SPAG16: variants seen among roughly 807,000 people sequenced by gnomAD.
SPAG16 encodes the protein sperm-associated antigen 16 protein.
A neutral mutation model predicts 80.4 loss-of-function variants in SPAG16; 86 were observed. The observed-to-expected ratio is 1.07, with a 90% CI of 0.90 to 1.28. The LOEUF is 1.28. Ranked by LOEUF, SPAG16 falls within the 50% of genes most tolerant of loss-of-function variation. The probability of loss-of-function intolerance (pLI) is 0.00; values close to 1 mark genes in which losing one functional copy is unlikely to be tolerated. For synonymous variants in SPAG16, 294 were observed against 265.9 expected, an observed-to-expected ratio of 1.11 and a Z score of -1.03; for missense variants, 870 against 765.3, an observed-to-expected ratio of 1.14 and a Z score of -1.61.
At chr2:213,874,896 A>G (rs1575426576) in intron 11 of SPAG16, among the ~76,000 whole-genome samples, 1 of 152,248 alleles carries the variant, frequency 6.6e-6, no homozygotes, top group South Asian at 2.1e-4. Flanking sequence ...ATGACCATAC[A>G]TCTAGGTTTG....
chr2:213,815,164 C>T (rs2072443206), intron 10 of SPAG16, among the ~76,000 whole-genome samples: 1 of 152,058 alleles, frequency 6.6e-6, no homozygotes, highest in Non-Finnish European at 1.5e-5. Flanking sequence ...ATTGAAACAA[C>T]TGAAACATGC....
chr2:213,807,843 G>A (rs2071867354), intron 10 of SPAG16, among the ~76,000 whole-genome samples: 1 of 152,218 alleles, frequency 6.6e-6, no homozygotes, highest in South Asian at 2.1e-4. Flanking sequence ...GTTCTTTGCA[G>A]TGAAGATTCT....
At chr2:214,272,039 A>G (rs1025114907) in intron 15 of SPAG16, among the ~76,000 whole-genome samples, 1 of 152,146 alleles carries the variant, frequency 6.6e-6, no homozygotes, top group African/African-American at 2.4e-5. Context: ...CTTAATATAC[A>G]GTACTATAAT....
At chr2:213,374,327 G>C (rs1349928962) in intron 8 of SPAG16, among the ~76,000 whole-genome samples, 1 of 152,050 alleles carries the variant, frequency 6.6e-6, no homozygotes, top group African/African-American at 2.4e-5. Flanking sequence ...GTTATAATTT[G>C]TAACGTTTAG....
chr2:214,329,833 A>G (rs895573580), intron 15 of SPAG16, among the ~76,000 whole-genome samples: 1 of 152,204 alleles, frequency 6.6e-6, no homozygotes, highest in Non-Finnish European at 1.5e-5. Context: ...AGACTATAAA[A>G]AAATGCTTTT....
At chr2:214,073,600 A>G (rs1361921066) in intron 13 of SPAG16, among the ~76,000 whole-genome samples, 3 of 152,116 alleles carry the variant, frequency 2.0e-5, no homozygotes. Flanking sequence ...AGAACTCAAT[A>G]GCATAAAGAT....
intron 15 of SPAG16, among the ~76,000 whole-genome samples, chr2:214,386,202 C>G (rs963558278): frequency 8.6e-5 from 13 of 152,000 alleles, no homozygotes; most frequent in Admixed American, 5.2e-4. Flanking sequence ...GGGTGAAACC[C>G]CATATCTACA....
At chr2:213,402,984 A>C (rs2068405878) in intron 9 of SPAG16, among the ~76,000 whole-genome samples, 1 of 151,940 alleles carries the variant, frequency 6.6e-6, no homozygotes, top group African/African-American at 2.4e-5. Context: ...CTAGTTCTAG[A>C]TCCCTGAGGA....
chr2:214,112,750 A>T (rs898245549), intron 14 of SPAG16, among the ~76,000 whole-genome samples: 1 of 151,138 alleles, frequency 6.6e-6, no homozygotes, highest in Non-Finnish European at 1.5e-5. Flanking sequence ...AATACAGCAC[A>T]CTGATGGCTC....
Position 213,400,470 on chromosome 2 carries a change from T to A in SPAG16, c.942+25351T>A, listed in dbSNP as rs559557542. On this transcript the variant is annotated intron_variant, in intron 9 of 15. Transcript: ENST00000331683. Reference sequence around the variant, plus strand: ...TTTTGGGTTATTTTTTTATTTGGGTTATTATGTATTTGTAGTTGAAATAAA... The same window carrying A: ...TTTTGGGTTATTTTTTTATTTGGGTAATTATGTATTTGTAGTTGAAATAAA... Among the ~76,000 whole-genome samples, 42 of 152,316 alleles carry A rather than the reference T, an allele frequency of 2.8e-4. No homozygotes were observed. The South Asian group carries it at 5.6e-3, about 20-fold the overall frequency.
At chr2:214,016,783 T>C (rs1424560905) in intron 13 of SPAG16, among the ~76,000 whole-genome samples, 1 of 152,160 alleles carries the variant, frequency 6.6e-6, no homozygotes, top group African/African-American at 2.4e-5. Flanking sequence ...TGATATTTTA[T>C]AAAGATCACA....
intron 13 of SPAG16, among the ~76,000 whole-genome samples, chr2:214,025,710 T>C (rs1383085954): frequency 6.6e-6 from 1 of 151,614 alleles, no homozygotes; most frequent in Admixed American, 6.6e-5. Context: ...TTAAATTACA[T>C]TTAAATTGGA....
chr2:213,746,843 T>C (rs2067847829), intron 10 of SPAG16, among the ~76,000 whole-genome samples: 1 of 152,076 alleles, frequency 6.6e-6, no homozygotes, highest in African/African-American at 2.4e-5. Flanking sequence ...GCACATATGA[T>C]TGTGTACAAT....
At chr2:214,189,195 T>A (rs12618987) in intron 15 of SPAG16, among the ~76,000 whole-genome samples, 12 of 151,912 alleles carry the variant, frequency 7.9e-5, no homozygotes, top group African/African-American at 2.9e-4. Context: ...ATTAACATCA[T>A]AAAGCAGAAT....
chr2:213,455,631 C>T (rs2071954275), intron 9 of SPAG16, among the ~76,000 whole-genome samples: 1 of 152,164 alleles, frequency 6.6e-6, no homozygotes, highest in Admixed American at 6.5e-5. Context: ...ACTGTTCCAC[C>T]TCAGATCATC....
At chr2:213,792,050 A>G (rs946084692) in intron 10 of SPAG16, among the ~76,000 whole-genome samples, 5 of 152,208 alleles carry the variant, frequency 3.3e-5, no homozygotes, top group African/African-American at 1.2e-4. Context: ...TTTTCTTAAA[A>G]CACCAAGCCA....
chr2:213,849,427 G>A (rs1301637169), intron 10 of SPAG16, among the ~76,000 whole-genome samples: 2 of 152,044 alleles, frequency 1.3e-5, no homozygotes, highest in Non-Finnish European at 2.9e-5. Flanking sequence ...AACCATAGCA[G>A]TTTATTTTGT....
chr2:214,130,194 G>T (rs1380504607), intron 14 of SPAG16, among the ~76,000 whole-genome samples: 2 of 152,162 alleles, frequency 1.3e-5, no homozygotes, highest in East Asian at 3.9e-4. Flanking sequence ...CCCCAAACTG[G>T]AAGTCTCTAG....
chr2:214,062,020 C>CACACACACACAT (rs1553706944), intron 13 of SPAG16, among the ~76,000 whole-genome samples: 21,407 of 146,274 alleles, frequency 0.15, 2,160 homozygotes, highest in Non-Finnish European at 0.21. Flanking sequence ...CACACACACA[C>CACACACACACAT]GCAGTGTGTA....
Sources: allele counts gnomAD v4.1 joint callset (sites outside exome capture counted in the v4.1 genomes callset), GRCh38; gene constraint gnomAD v4.1.1; transcripts MANE v1.5; gene names NCBI Gene and HGNC (gene_info 2026-07-23, HGNC 2026-07-21).